Variants in DCTN4 observed in about 807,000 individuals in gnomAD.
The protein encoded by DCTN4 is dynactin 4 (p62).
Under a neutral mutation model 62.7 loss-of-function variants are expected in DCTN4, and 23 were observed. The ratio of observed to expected loss-of-function variants is 0.37; its 90% confidence interval spans 0.26 to 0.52. The LOEUF (loss-of-function observed/expected upper bound fraction) is 0.52, where lower values mean the gene tolerates loss of function less well. DCTN4 is among the 20% of genes least tolerant of loss of function. DCTN4 has a pLI of 0.92. For synonymous variants in DCTN4, 199 were observed against 202.1 expected, an observed-to-expected ratio of 0.98 and a Z score of 0.13; for missense variants, 514 against 580.4, an observed-to-expected ratio of 0.89 and a Z score of 1.18.
intron 12 of DCTN4, 138 bp downstream of exon 12, chr5:150,715,427 C>G: frequency 1.6e-6 from 1 of 637,804 alleles, no homozygotes; most frequent in Non-Finnish European, 2.6e-6. Context: ...CATATATTTC[C>G]CCAATTTTCT....
chr5:150,732,353 G>A (rs1047084924), intron 5 of DCTN4, among the ~76,000 whole-genome samples: 1 of 152,196 alleles, frequency 6.6e-6, no homozygotes, highest in African/African-American at 2.4e-5. Context: ...GTTTCGCCAT[G>A]TTGGCCAGAC....
At chr5:150,723,119 A>G (rs1031343488) in intron 8 of DCTN4, 139 bp from the exon 9 acceptor site, 13 of 616,032 alleles carry the variant, frequency 2.1e-5, no homozygotes, top group Non-Finnish European at 3.3e-5. Flanking sequence ...ATGTTTTTGA[A>G]TAATGTATAG....
intron 4 of DCTN4, among the ~76,000 whole-genome samples, chr5:150,738,887 G>C (rs1760673506): frequency 6.6e-6 from 1 of 152,130 alleles, no homozygotes; most frequent in Admixed American, 6.5e-5. Flanking sequence ...AAAGCTCCTA[G>C]ATCTGATCAA....
Position 150,715,632 on chromosome 5 carries a change from C to A in DCTN4, c.1102G>T (p.Ala368Ser), listed in dbSNP as rs1759727153. 3 of 1,614,162 alleles carry A rather than the reference C, an allele frequency of 1.9e-6. No individual in the cohort carries two copies. Among genetic ancestry groups the A allele is most frequent in the Non-Finnish European group, 2.5e-6 (3 of 1,180,036 alleles). The change falls in exon 12 of 13, where the codon GCT (alanine) becomes TCT (serine). Residue 368 changes from alanine to serine, a missense_variant. Ala to Ser is a moderately conservative substitution (Grantham distance 99). Coordinates refer to ENST00000447998, the MANE Select transcript of DCTN4 (RefSeq NM_016221.4). ...TACTCTGCTGCTGCATCCTTGCCAG[C>A]TAAAACGAGCTCTTTGGGAGGCACC... ...VVVPPKELVLAGKDAAAEYDE... is the reference protein window; with the variant it reads ...VVVPPKELVLSGKDAAAEYDE...
At position 150,711,116 on chromosome 5, in the gene DCTN4, T is replaced by C. The variant is rs1364912280; in HGVS notation, c.*33A>G. 3 of 1,595,240 alleles carry C rather than the reference T, an allele frequency of 1.9e-6. No homozygotes were observed. Among genetic ancestry groups the C allele is most frequent in the African/African-American group, 1.3e-5 (1 of 74,482 alleles). On this transcript the variant is annotated 3_prime_UTR_variant, in exon 13 of 13. Coordinates refer to ENST00000447998, the MANE Select transcript of DCTN4 (RefSeq NM_016221.4). ...TTTTAACGCAGGTTTACGGTGATAC[T>C]GTCCTTTGGGATCTGCCCTCCAGTG... is the stretch of plus-strand genomic sequence containing the variant.
chr5:150,715,782 T>A, intron 11 of DCTN4, 120 bp from the exon 12 acceptor site: 1 of 716,286 alleles, frequency 1.4e-6, no homozygotes, highest in Non-Finnish European at 2.4e-6. Flanking sequence ...CATATACTAC[T>A]TCTATGGAGT....
At chr5:150,715,270 A>G (rs113885441) in intron 12 of DCTN4, among the ~76,000 whole-genome samples, 1,682 of 152,292 alleles carry the variant, frequency 0.011, 30 homozygotes, top group African/African-American at 0.037. Context: ...TAACATGGGA[A>G]AATATATTCA....
intron 11 of DCTN4, among the ~76,000 whole-genome samples, chr5:150,716,387 A>G (rs1173712271): frequency 6.6e-6 from 1 of 152,176 alleles, no homozygotes; most frequent in Non-Finnish European, 1.5e-5. Flanking sequence ...ATAAACTTAC[A>G]TGAGATACTG....
At position 150,710,931 on chromosome 5, in the gene DCTN4, A is replaced by G; in HGVS notation, c.*218T>C. On this transcript the variant is annotated 3_prime_UTR_variant, in exon 13 of 13. Transcript: ENST00000447998. Reference sequence around the variant, plus strand: ...CAACGTGCAGGGTTCAGTGAGGGAGACACAGACTTACTGGTGTCAACAGGG... The same window carrying G: ...CAACGTGCAGGGTTCAGTGAGGGAGGCACAGACTTACTGGTGTCAACAGGG... The G allele has an allele frequency of 1.8e-6, 1 of 566,960 alleles. No homozygotes were observed. The highest frequency in any genetic ancestry group is 3.2e-6 in the Non-Finnish European group (1 of 316,090). The allele number at this position is 566,960 out of a possible 1,614,324, so 35.1% of individuals were successfully genotyped here. A position where few individuals can be genotyped will look rare whatever the true frequency, so the allele number is the denominator to read the frequency against.
At chr5:150,738,943 G>C (rs921082913) in intron 4 of DCTN4, among the ~76,000 whole-genome samples, 1 of 152,052 alleles carries the variant, frequency 6.6e-6, no homozygotes, top group African/African-American at 2.4e-5. Context: ...CCTGTAACCC[G>C]AACACTTTGG....
intron 7 of DCTN4, 123 bp downstream of exon 7, chr5:150,730,921 T>C: frequency 8.9e-6 from 7 of 782,476 alleles, no homozygotes; most frequent in South Asian, 8.9e-5. Flanking sequence ...TGTTTTATTT[T>C]CTACATATTG....
intron 2 of DCTN4, 76 bp downstream of exon 2, chr5:150,756,341 T>A: frequency 9.5e-7 from 1 of 1,054,912 alleles, no homozygotes; most frequent in South Asian, 1.6e-5. Flanking sequence ...GCCTGGCCCA[T>A]GTGTCTTTTT....
chr5:150,758,768 G>C, intron 1 of DCTN4, 91 bp downstream of exon 1: 2 of 1,542,438 alleles, frequency 1.3e-6, no homozygotes, highest in Non-Finnish European at 1.8e-6. Flanking sequence ...CAGTAAGGAA[G>C]GAAAATAGCT....
At chr5:150,712,733 T>C (rs1759615296) in intron 12 of DCTN4, among the ~76,000 whole-genome samples, 1 of 152,214 alleles carries the variant, frequency 6.6e-6, no homozygotes, top group African/African-American at 2.4e-5. Context: ...CATTTCAATT[T>C]CCCCTCATTT....
chr5:150,716,260 TCA>T (rs1324911005), intron 11 of DCTN4, among the ~76,000 whole-genome samples: 2 of 152,156 alleles, frequency 1.3e-5, no homozygotes, highest in Non-Finnish European at 2.9e-5. Flanking sequence ...ATATTATTCC[TCA>T]TTTTTTTTTG....
chr5:150,722,824 T>G, intron 9 of DCTN4, 83 bp downstream of exon 9: 2 of 986,092 alleles, frequency 2.0e-6, no homozygotes, highest in Admixed American at 2.8e-5. Context: ...AGGCCAAGAG[T>G]AAACACACTT....
intron 3 of DCTN4, chr5:150,742,919 C>T (rs144375555): frequency 0.02 from 3,190 of 157,648 alleles, 122 homozygotes; most frequent in African/African-American, 0.072. Context: ...GTGATTTCTG[C>T]ATTTCCATCT....
In DCTN4 at chr5:150,708,558, G is replaced by C. The variant is rs1238654392; in HGVS notation, c.*2591C>G. ...GGTTCTGTGAATATGTATATAAGAA[G>C]CTCAAAGCAACATCTACTTATATAT... On this transcript the variant is annotated 3_prime_UTR_variant, in exon 13 of 13. Transcript: ENST00000447998. The C allele has an allele frequency of 6.6e-6, 1 of 152,590 alleles. No homozygotes were observed. The highest frequency in any genetic ancestry group is 1.5e-5 in the Non-Finnish European group (1 of 68,034). 9.5% of individuals were successfully genotyped at this position (152,590 alleles called of 1,614,324 possible).
intron 4 of DCTN4, 150 bp downstream of exon 4, chr5:150,741,964 A>G: frequency 1.4e-6 from 1 of 725,942 alleles, no homozygotes; most frequent in East Asian, 2.5e-5. Flanking sequence ...GTGTATTTCA[A>G]TGTCTTACAA....
Sources: allele counts gnomAD v4.1 joint callset (sites outside exome capture counted in the v4.1 genomes callset), GRCh38; gene constraint gnomAD v4.1.1; transcripts MANE v1.5; gene names NCBI Gene and HGNC (gene_info 2026-07-23, HGNC 2026-07-21).